RNF2: variants seen among roughly 807,000 people sequenced by gnomAD.
The protein encoded by RNF2 is ring finger protein 2, also known as E3 ubiquitin-protein ligase RING2.
In RNF2, 6 loss-of-function variants were observed where a neutral mutation model predicts 37.2. The observed-to-expected ratio is 0.16, with a 90% CI of 0.09 to 0.32. The LOEUF is 0.32. RNF2 is among the 10% of genes least tolerant of loss of function. RNF2 has a pLI of 1.00. For synonymous variants in RNF2, 133 were observed against 132.7 expected, an observed-to-expected ratio of 1.00 and a Z score of -0.02; for missense variants, 251 against 404.0, an observed-to-expected ratio of 0.62 and a Z score of 3.25.
At chr1:185,072,756 C>T (rs888769403) in intron 1 of RNF2, among the ~76,000 whole-genome samples, 2 of 152,022 alleles carry the variant, frequency 1.3e-5, no homozygotes, top group Non-Finnish European at 2.9e-5. Flanking sequence ...CTGGCTAACA[C>T]AGTGAAACCC....
chr1:185,057,632 T>C (rs1461218337), intron 1 of RNF2, among the ~76,000 whole-genome samples: 3 of 152,152 alleles, frequency 2.0e-5, no homozygotes, highest in Non-Finnish European at 2.9e-5. Context: ...TGAAAGAAGA[T>C]AGCCTGTTTC....
At chr1:185,050,404 A>G (rs1019684767) in intron 1 of RNF2, among the ~76,000 whole-genome samples, 2 of 152,198 alleles carry the variant, frequency 1.3e-5, no homozygotes, top group Non-Finnish European at 2.9e-5. Context: ...ATTAAATCCA[A>G]TTTCATTCTT....
intron 1 of RNF2, among the ~76,000 whole-genome samples, chr1:185,061,011 G>C (rs375603292): frequency 6.6e-4 from 100 of 152,166 alleles, no homozygotes; most frequent in African/African-American, 2.4e-3. Flanking sequence ...TAGCTGCTTG[G>C]GAGGCTGACA....
At chr1:185,092,963 G>T in intron 3 of RNF2, 98 bp from the exon 4 acceptor site, 1 of 981,174 alleles carries the variant, frequency 1.0e-6, no homozygotes, top group Non-Finnish European at 1.6e-6. Context: ...TAAAGGTATT[G>T]GAATAAAGGT....
At chr1:185,070,725 G>T (rs1387394987) in intron 1 of RNF2, among the ~76,000 whole-genome samples, 1 of 147,266 alleles carries the variant, frequency 6.8e-6, no homozygotes, top group Admixed American at 7.0e-5. Flanking sequence ...TGCAAGTTCC[G>T]CCTCCCGGGT....
At chr1:185,083,106 C>T (rs1651478495) in intron 1 of RNF2, among the ~76,000 whole-genome samples, 1 of 152,102 alleles carries the variant, frequency 6.6e-6, no homozygotes, top group African/African-American at 2.4e-5. Flanking sequence ...GTTTTTTTCC[C>T]CTGCTTCTTT....
intron 2 of RNF2, among the ~76,000 whole-genome samples, chr1:185,090,670 A>G (rs1048761658): frequency 6.6e-6 from 1 of 152,152 alleles, no homozygotes; most frequent in Admixed American, 6.5e-5. Flanking sequence ...ATTGAAAGCC[A>G]CTTATTTATA....
intron 1 of RNF2, among the ~76,000 whole-genome samples, chr1:185,058,155 A>T (rs954458856): frequency 6.6e-6 from 1 of 152,198 alleles, no homozygotes; most frequent in African/African-American, 2.4e-5. Flanking sequence ...AATTTTAAAG[A>T]TGCAGTCTAG....
At chr1:185,098,417 T>C in intron 5 of RNF2, 73 bp downstream of exon 5, 2 of 1,522,348 alleles carry the variant, frequency 1.3e-6, no homozygotes, top group Non-Finnish European at 1.8e-6. Context: ...CAGTCTTGTA[T>C]AAGAAGTAGG....
chr1:185,083,081 T>C (rs1475148862), intron 1 of RNF2, among the ~76,000 whole-genome samples: 2 of 152,238 alleles, frequency 1.3e-5, no homozygotes. Flanking sequence ...ATCATTTGGA[T>C]AGGCTCTGGC....
intron 1 of RNF2, among the ~76,000 whole-genome samples, chr1:185,071,234 G>A (rs868676190): frequency 1.2e-4 from 18 of 152,142 alleles, no homozygotes; most frequent in African/African-American, 4.1e-4. Context: ...ATGATTTCTG[G>A]TTTTTATCCT....
intron 1 of RNF2, among the ~76,000 whole-genome samples, chr1:185,057,772 A>G (rs1454067465): frequency 1.3e-5 from 2 of 152,008 alleles, no homozygotes; most frequent in Admixed American, 1.3e-4. Context: ...CCTTGGATTC[A>G]ACAGACTGCA....
intron 1 of RNF2, among the ~76,000 whole-genome samples, chr1:185,076,098 T>C (rs573452485): frequency 6.6e-6 from 1 of 151,916 alleles, no homozygotes; most frequent in East Asian, 1.9e-4. Context: ...ATGTTGCACA[T>C]ATTTTTTTCC....
chr1:185,082,475 C>G (rs534892836), intron 1 of RNF2, among the ~76,000 whole-genome samples: 4 of 151,718 alleles, frequency 2.6e-5, no homozygotes, highest in South Asian at 4.2e-4. Flanking sequence ...CTCAGCCCCC[C>G]AGTAGCTGGG....
chr1:185,057,532 T>G (rs1650469209), intron 1 of RNF2, among the ~76,000 whole-genome samples: 3 of 152,188 alleles, frequency 2.0e-5, no homozygotes, highest in Admixed American at 1.3e-4. Context: ...GTACCTGTTG[T>G]CCCCGTAAGT....
chr1:185,084,004 C>T (rs1051037399), intron 1 of RNF2, among the ~76,000 whole-genome samples: 21 of 150,148 alleles, frequency 1.4e-4, no homozygotes, highest in Non-Finnish European at 2.4e-4. Context: ...TGCAGTGGCA[C>T]AGTCGTACCT....
chr1:185,101,586 A>G lies in RNF2; in HGVS notation c.*1285A>G, dbSNP rs776062347. 2.6e-5 allele frequency: 4 copies of G among 152,504 alleles called. No homozygotes were observed. Among genetic ancestry groups the G allele is most frequent in the African/African-American group, 7.2e-5 (3 of 41,442 alleles). 9.4% of individuals were successfully genotyped at this position (152,504 alleles called of 1,614,324 possible). A position where few individuals can be genotyped will look rare whatever the true frequency, so the allele number is the denominator to read the frequency against. On this transcript the variant is annotated 3_prime_UTR_variant, in exon 7 of 7. Transcript: ENST00000367510. The stretch of plus-strand genomic sequence containing the variant: ...ACTCTAGGTATATTTCCAACTTTAT[A>G]TATCACAGTATTTAAAAAGACATGT...
At chr1:185,096,632 G>A (rs149391120) in intron 4 of RNF2, among the ~76,000 whole-genome samples, 112 of 151,876 alleles carry the variant, frequency 7.4e-4, no homozygotes, top group African/African-American at 2.6e-3. Context: ...ACCAAGTTAC[G>A]TATTTGTACT....
At chr1:185,085,011 T>C (rs899257319) in intron 1 of RNF2, among the ~76,000 whole-genome samples, 5 of 152,152 alleles carry the variant, frequency 3.3e-5, no homozygotes, top group African/African-American at 1.2e-4. Context: ...TCTACCTTAG[T>C]GGTCCCTGAG....
Sources: allele counts gnomAD v4.1 joint callset (sites outside exome capture counted in the v4.1 genomes callset), GRCh38; gene constraint gnomAD v4.1.1; transcripts MANE v1.5; gene names NCBI Gene and HGNC (gene_info 2026-07-23, HGNC 2026-07-21).